The following CCDC85C variants were observed in gnomAD, a reference collection of about 807,000 sequenced individuals.
The protein encoded by CCDC85C is coiled-coil domain containing 85C.
Under a neutral mutation model 38.3 loss-of-function variants are expected in CCDC85C, and 18 were observed. The ratio of observed to expected loss-of-function variants is 0.47; its 90% CI spans 0.33 to 0.70. The LOEUF (loss-of-function observed/expected upper bound fraction) is 0.70, where lower values mean the gene tolerates loss of function less well. Ranked by LOEUF, CCDC85C falls within the 30% of genes least tolerant of loss-of-function variation. CCDC85C has a pLI of 0.03. For synonymous variants in CCDC85C, 264 were observed against 293.8 expected, an observed-to-expected ratio of 0.90 and a Z score of 1.04; for missense variants, 566 against 621.2, an observed-to-expected ratio of 0.91 and a Z score of 0.94.
At chr14:99,524,502 G>A (rs1056703187) in intron 2 of CCDC85C, among the ~76,000 whole-genome samples, 5 of 152,244 alleles carry the variant, frequency 3.3e-5, no homozygotes, top group Middle Eastern at 3.4e-3. Flanking sequence ...TTAGCTGCAC[G>A]CAATTCCCAC....
At chr14:99,567,472 C>A (rs1411485020) in intron 1 of CCDC85C, among the ~76,000 whole-genome samples, 3 of 152,160 alleles carry the variant, frequency 2.0e-5, no homozygotes, top group Non-Finnish European at 2.9e-5. Flanking sequence ...GTGTTCTCAC[C>A]AGCAGGAGGG....
chr14:99,540,189 A>T (rs1897685578), intron 1 of CCDC85C, among the ~76,000 whole-genome samples: 1 of 152,024 alleles, frequency 6.6e-6, no homozygotes, highest in Non-Finnish European at 1.5e-5. Flanking sequence ...GCACCTTCAC[A>T]TTACATGCAT....
chr14:99,540,746 A>G (rs1286345021), intron 1 of CCDC85C, among the ~76,000 whole-genome samples: 1 of 152,216 alleles, frequency 6.6e-6, no homozygotes, highest in Admixed American at 6.5e-5. Context: ...TCTTGTGTCC[A>G]GGAGCCAGAC....
chr14:99,527,882 C>T (rs956164034), intron 2 of CCDC85C, among the ~76,000 whole-genome samples: 10 of 152,230 alleles, frequency 6.6e-5, no homozygotes, highest in African/African-American at 2.4e-4. Flanking sequence ...AGCCCTGCCG[C>T]CCTGCAGAGG....
chr14:99,531,631 T>G (rs1897496488), intron 2 of CCDC85C, among the ~76,000 whole-genome samples: 3 of 141,046 alleles, frequency 2.1e-5, no homozygotes, highest in Non-Finnish European at 3.1e-5. Flanking sequence ...GGAGGCTCCC[T>G]ACCCTCCCAC....
rs1365506422 is a variant in CCDC85C at position 99,533,747 on chromosome 14, A to G, written c.867+2268T>C. Among the ~76,000 whole-genome samples the G allele has an allele frequency of 6.6e-6, 1 of 152,118 alleles. No individual in the cohort carries two copies. Among genetic ancestry groups the G allele is most frequent in the Non-Finnish European group, 1.5e-5 (1 of 67,994 alleles). ...GGCAGAGCCAGCCCGTCCATCCTTG[A>G]GGCTCAAGGCTGAAGCTCCCATCTA... On this transcript the variant is annotated intron_variant, in intron 2 of 5. Transcript: ENST00000380243. The surrounding 1 kb of genome is among the most constrained non-coding windows in gnomAD (Gnocchi z 4.2).
intron 1 of CCDC85C, among the ~76,000 whole-genome samples, chr14:99,566,528 T>A (rs1454953337): frequency 1.3e-5 from 2 of 152,062 alleles, no homozygotes; most frequent in Non-Finnish European, 2.9e-5. Flanking sequence ...CACACTGACC[T>A]CCAGTGTGTG....
At position 99,510,722 on chromosome 14, in the gene CCDC85C, C is replaced by T. The variant is rs769474739; in HGVS notation, c.*4524G>A. On this transcript the variant is annotated 3_prime_UTR_variant, in exon 6 of 6. Coordinates refer to ENST00000380243, the MANE Select transcript of CCDC85C (RefSeq NM_001144995.2). Reference sequence around the variant, plus strand: ...GAGGACAGCCTCCTGTGCCCCCGCCCATTCCCCCACCCGGCATGCCTCCAG... The same window carrying T: ...GAGGACAGCCTCCTGTGCCCCCGCCTATTCCCCCACCCGGCATGCCTCCAG... 5 of 1,433,400 alleles carry T rather than the reference C, an allele frequency of 3.5e-6. No homozygotes were observed. Among genetic ancestry groups the T allele is most frequent in the Non-Finnish European group, 4.6e-6 (5 of 1,092,750 alleles). The allele number at this position is 1,433,400 out of a possible 1,614,324, so 88.8% of individuals were successfully genotyped here.
chr14:99,503,559 C>T lies in CCDC85C; in HGVS notation c.*11687G>A. On this transcript the variant is annotated 3_prime_UTR_variant, in exon 6 of 6. Coordinates refer to ENST00000380243, the MANE Select transcript of CCDC85C (RefSeq NM_001144995.2). ...TGGTACCTGGATAATCCATTTTTTT[C>T]TCATCATACTCAGGATCCCAGTTAA... 1 of 1,443,548 alleles carries T rather than the reference C, an allele frequency of 6.9e-7. No homozygotes were observed. The highest frequency in any genetic ancestry group is 9.5e-7 in the Non-Finnish European group (1 of 1,056,622). 89.4% of individuals were successfully genotyped at this position (1,443,548 alleles called of 1,614,324 possible).
rs747329091 is a variant in CCDC85C, at chr14:99,501,337, T to C, written c.*13909A>G. 2.1e-5 allele frequency: 32 copies of C among 1,560,100 alleles called. No homozygotes were observed. Among genetic ancestry groups the C allele is most frequent in the Non-Finnish European group, 2.3e-5 (26 of 1,133,204 alleles). On this transcript the variant is annotated 3_prime_UTR_variant, in exon 6 of 6. Transcript: ENST00000380243. Reference sequence around the variant, plus strand: ...ATTTTTCTATTGCTATTAATTTACCTTTTTGTCCCCATTTCTAGGTGATAA... The same window carrying C: ...ATTTTTCTATTGCTATTAATTTACCCTTTTGTCCCCATTTCTAGGTGATAA...
At chr14:99,540,633 T>TC (rs1445805529) in intron 1 of CCDC85C, among the ~76,000 whole-genome samples, 1 of 151,984 alleles carries the variant, frequency 6.6e-6, no homozygotes, top group African/African-American at 2.4e-5. Flanking sequence ...GGCCAAGGGG[T>TC]CCCCTGGGGT....
At chr14:99,555,101 C>T (rs1267426259) in intron 1 of CCDC85C, among the ~76,000 whole-genome samples, 2 of 152,228 alleles carry the variant, frequency 1.3e-5, no homozygotes, top group Non-Finnish European at 2.9e-5. Context: ...AGGCCTCAGT[C>T]CTGCAGAGGG....
At chr14:99,542,975 G>A (rs1398472822) in intron 1 of CCDC85C, among the ~76,000 whole-genome samples, 10 of 152,216 alleles carry the variant, frequency 6.6e-5, no homozygotes, top group Admixed American at 6.5e-5. Context: ...CTCCAGGCCT[G>A]CCTACTCCCT....
intron 1 of CCDC85C, among the ~76,000 whole-genome samples, chr14:99,590,772 C>T (rs947639145): frequency 1.3e-5 from 2 of 152,170 alleles, no homozygotes; most frequent in African/African-American, 4.8e-5. Context: ...TCCAGTCTCC[C>T]GGTGCACTCT....
chr14:99,503,983 C>A lies in CCDC85C; in HGVS notation c.*11263G>T. On this transcript the variant is annotated 3_prime_UTR_variant, in exon 6 of 6. Transcript: ENST00000380243. ...CATCACAGCAGCAGGAGTCCTCTCC[C>A]AAGCACCAAGCCACAGCAGATGCGG... 1 of 363,616 alleles carries A rather than the reference C, an allele frequency of 2.8e-6. No homozygotes were observed. Among genetic ancestry groups the A allele is most frequent in the Non-Finnish European group, 5.3e-6 (1 of 190,374 alleles). The allele number at this position is 363,616 out of a possible 1,614,324, so 22.5% of individuals were successfully genotyped here. A position where few individuals can be genotyped will look rare whatever the true frequency, so the allele number is the denominator to read the frequency against.
chr14:99,502,523 T>TGAGCAATA lies in CCDC85C; in HGVS notation c.*12722_*12723insTATTGCTC. ...CATCATTAATTAAATTATCTAATAG[T>TGAGCAATA]TTCCACTTTGTCCAAACACATACTT... On this transcript the variant is annotated 3_prime_UTR_variant, in exon 6 of 6. Transcript: ENST00000380243. 7.4e-7 allele frequency: 1 copy of TGAGCAATA among 1,354,440 alleles called. No individual in the cohort carries two copies. Among genetic ancestry groups the TGAGCAATA allele is most frequent in the Non-Finnish European group, 9.9e-7 (1 of 1,009,682 alleles). 83.9% of individuals were successfully genotyped at this position (1,354,440 alleles called of 1,614,324 possible). A position where few individuals can be genotyped will look rare whatever the true frequency, so the allele number is the denominator to read the frequency against.
chr14:99,572,948 T>C lies in CCDC85C; in HGVS notation c.793+30219A>G, dbSNP rs1898385772. The C allele has an allele frequency of 2.5e-6, 1 of 401,178 alleles. No individual in the cohort carries two copies. Among genetic ancestry groups the C allele is most frequent in the Non-Finnish European group, 5.0e-6 (1 of 200,216 alleles). 24.9% of individuals were successfully genotyped at this position (401,178 alleles called of 1,614,324 possible). A position where few individuals can be genotyped will look rare whatever the true frequency, so the allele number is the denominator to read the frequency against. ...CCTTCTCTTAGCTCTGAGCCCTGCC[T>C]TCGCCTCCTACAAGATAGGATGGCA... On this transcript the variant is annotated intron_variant, in intron 1 of 5. Transcript: ENST00000380243. This position sits in a 1 kb window ranked among gnomAD's most constrained non-coding sequence, Gnocchi z 4.4.
chr14:99,602,910 A>G (rs1021401106), intron 1 of CCDC85C, among the ~76,000 whole-genome samples: 4 of 152,162 alleles, frequency 2.6e-5, no homozygotes, highest in Admixed American at 6.5e-5. Flanking sequence ...CACCCGCTAG[A>G]AACTTTTCTG....
At chr14:99,582,760 G>A (rs1048562904) in intron 1 of CCDC85C, among the ~76,000 whole-genome samples, 1 of 152,156 alleles carries the variant, frequency 6.6e-6, no homozygotes, top group African/African-American at 2.4e-5. Flanking sequence ...GTTGCAGTGA[G>A]CTGAGATTGC....
Sources: allele counts gnomAD v4.1 joint callset (sites outside exome capture counted in the v4.1 genomes callset), GRCh38; gene constraint gnomAD v4.1.1; non-coding constraint Gnocchi (gnomAD v3.1); transcripts MANE v1.5; gene names NCBI Gene and HGNC (gene_info 2026-07-23, HGNC 2026-07-21).